The following CSMD1 variants were observed in gnomAD, a reference collection of about 807,000 sequenced individuals.
The protein encoded by CSMD1 is CUB and Sushi multiple domains 1.
A neutral mutation model predicts 417.5 loss-of-function variants in CSMD1; 213 were observed. The observed-to-expected ratio is 0.51, with a 90% CI of 0.46 to 0.57. The LOEUF (loss-of-function observed/expected upper bound fraction) is 0.57, where lower values mean the gene tolerates loss of function less well. Ranked by LOEUF, CSMD1 falls within the 20% of genes least tolerant of loss-of-function variation. The pLI, the probability that CSMD1 is intolerant of heterozygous loss-of-function variation, is 0.00. For missense variants in CSMD1, 6,923 were observed against 4,529.7 expected (o/e 1.53, Z -15.17); for synonymous variants, 2,862 against 1,736.8 (o/e 1.65, Z -16.11).
intron 3 of CSMD1, among the ~76,000 whole-genome samples, chr8:4,315,769 A>C (rs1349481937): frequency 6.6e-6 from 1 of 151,608 alleles, no homozygotes; most frequent in Non-Finnish European, 1.5e-5. Context: ...TGGTCATTTC[A>C]TTTCAAAACA....
Position 3,914,798 on chromosome 8 carries a change from T to C in CSMD1, c.818+83105A>G, listed in dbSNP as rs191519897. 2.2e-3 allele frequency among the ~76,000 whole-genome samples: 341 copies of C among 152,226 alleles called. 1 individual carries two copies. The highest frequency in any genetic ancestry group is 7.8e-3 in the African/African-American group (324 of 41,528). On this transcript the variant is annotated intron_variant, in intron 5 of 69. Transcript: ENST00000635120. ...TTACCGGTTAATTCCTCAACAAAGATTTATTGACATCTACTCTACTGAGTG... is the reference window on the plus strand; with the variant it reads ...TTACCGGTTAATTCCTCAACAAAGACTTATTGACATCTACTCTACTGAGTG...
chr8:4,082,368 T>G (rs994660679), intron 3 of CSMD1, among the ~76,000 whole-genome samples: 1 of 152,186 alleles, frequency 6.6e-6, no homozygotes, highest in Admixed American at 6.6e-5. Context: ...ATGGTTTCAC[T>G]GGTGAGTTCT....
At chr8:4,780,361 G>C (rs1206893841) in intron 1 of CSMD1, among the ~76,000 whole-genome samples, 6 of 152,178 alleles carry the variant, frequency 3.9e-5, no homozygotes, top group Non-Finnish European at 8.8e-5. Context: ...CATTAAGCAG[G>C]TGTGATTTAA....
At chr8:3,652,408 T>C (rs1797902631) in intron 7 of CSMD1, among the ~76,000 whole-genome samples, 1 of 152,208 alleles carries the variant, frequency 6.6e-6, no homozygotes, top group Non-Finnish European at 1.5e-5. Flanking sequence ...GTTGACTTGT[T>C]TGTTTCTGTC....
intron 3 of CSMD1, among the ~76,000 whole-genome samples, chr8:4,399,700 G>GA (rs763431371): frequency 6.6e-6 from 1 of 151,852 alleles, no homozygotes. Context: ...AACTCCTTTT[G>GA]AAAAAAGCAG....
rs140560813 is a variant in CSMD1, at chr8:3,461,573, G to C, written c.1561+7139C>G. Among the ~76,000 whole-genome samples the C allele has an allele frequency of 4.5e-4, 68 of 152,282 alleles. No individual in the cohort carries two copies. In the East Asian group the frequency reaches 0.013, roughly 29 times the overall value. Reference sequence around the variant, plus strand: ...TGTAGAGAACCTGCTTCTCAGAGGGGAGCTGTCTCCATCAGCAGGAAGAGG... The same window carrying C: ...TGTAGAGAACCTGCTTCTCAGAGGGCAGCTGTCTCCATCAGCAGGAAGAGG... On this transcript the variant is annotated intron_variant, in intron 12 of 69. Coordinates refer to ENST00000635120, the MANE Select transcript of CSMD1 (RefSeq NM_033225.6).
rs1312410829 is a variant in CSMD1 at position 4,577,174 on chromosome 8, A to C, written c.302+60168T>G. ...TTTTTTTTGCACTGATTTTTAATAC[A>C]TTTATTGAAGCGAGATTTTCTTTTG... On this transcript the variant is annotated intron_variant, in intron 2 of 69. Coordinates refer to ENST00000635120, the MANE Select transcript of CSMD1 (RefSeq NM_033225.6). 2.0e-5 allele frequency among the ~76,000 whole-genome samples: 3 copies of C among 152,132 alleles called. No homozygotes were observed. The East Asian group carries it at 5.8e-4, about 29-fold the overall frequency.
intron 36 of CSMD1, among the ~76,000 whole-genome samples, chr8:3,182,129 T>C (rs1821372064): frequency 6.6e-6 from 1 of 152,198 alleles, no homozygotes; most frequent in Non-Finnish European, 1.5e-5. Context: ...GGAGAAATGA[T>C]AATTTAAATA....
intron 1 of CSMD1, among the ~76,000 whole-genome samples, chr8:4,791,359 T>C (rs1050308522): frequency 7.9e-5 from 12 of 152,194 alleles, no homozygotes; most frequent in Non-Finnish European, 4.4e-5. Context: ...TCTTTGACAA[T>C]GTTTTCCAAT....
intron 1 of CSMD1, among the ~76,000 whole-genome samples, chr8:4,933,458 GC>G (rs1161779951): frequency 3.9e-5 from 6 of 152,158 alleles, no homozygotes. Flanking sequence ...TAATTTCAAA[GC>G]CAACAAGGAG....
At chr8:3,809,461 G>A (rs937584636) in intron 5 of CSMD1, among the ~76,000 whole-genome samples, 1 of 152,166 alleles carries the variant, frequency 6.6e-6, no homozygotes, top group East Asian at 1.9e-4. Flanking sequence ...CTGGTTCCTG[G>A]GGATAGTTCA....
intron 4 of CSMD1, among the ~76,000 whole-genome samples, chr8:4,018,902 G>C (rs563090858): frequency 2.0e-5 from 3 of 152,222 alleles, no homozygotes; most frequent in East Asian, 1.9e-4. Context: ...ATAACTTCTA[G>C]ACTTGTCATG....
intron 3 of CSMD1, among the ~76,000 whole-genome samples, chr8:4,240,650 T>C (rs1394227176): frequency 1.3e-5 from 2 of 152,166 alleles, no homozygotes; most frequent in Admixed American, 6.6e-5. Context: ...TTTCAACAAG[T>C]ACTCCCCTTA....
At position 4,295,871 on chromosome 8, in the gene CSMD1, G is replaced by C. The variant is rs112082437; in HGVS notation, c.415+124082C>G. Among the ~76,000 whole-genome samples the C allele has an allele frequency of 1.7e-3, 247 of 147,876 alleles. 2 individuals are homozygous for C. The highest frequency in any genetic ancestry group is 5.9e-3 in the African/African-American group (235 of 40,166). The stretch of plus-strand genomic sequence containing the variant: ...TTTCTTCAACCATTATCCCAAACAA[G>C]TACAATGCTCTTGTCTTTTCTCCAT... On this transcript the variant is annotated intron_variant, in intron 3 of 69. Coordinates refer to ENST00000635120, the MANE Select transcript of CSMD1 (RefSeq NM_033225.6).
chr8:4,118,753 A>G (rs116949028), intron 3 of CSMD1, among the ~76,000 whole-genome samples: 11,587 of 152,300 alleles, frequency 0.076, 501 homozygotes, highest in African/African-American at 0.1. Flanking sequence ...TATATGCCCA[A>G]AGGAATATGA....
In CSMD1 at chr8:4,787,345, A is replaced by T. The variant is rs150162238; in HGVS notation, c.86-149787T>A. On this transcript the variant is annotated intron_variant, in intron 1 of 69. Transcript: ENST00000635120. ...CCACTCAGGATAATGGCGACAGCTG[A>T]GGTACTGAACACTGGTAAAAAATTG... 62 of 734,952 alleles carry T rather than the reference A, an allele frequency of 8.4e-5. No individual in the cohort carries two copies. In the East Asian group the frequency reaches 1.5e-3, roughly 17 times the overall value. 45.5% of individuals were successfully genotyped at this position (734,952 alleles called of 1,614,324 possible). A position where few individuals can be genotyped will look rare whatever the true frequency, so the allele number is the denominator to read the frequency against.
At chr8:4,615,973 T>C (rs930969695) in intron 2 of CSMD1, among the ~76,000 whole-genome samples, 17 of 152,180 alleles carry the variant, frequency 1.1e-4, no homozygotes, top group Non-Finnish European at 1.5e-4. Flanking sequence ...TTTCAAATTC[T>C]TCTGTAAAAA....
intron 1 of CSMD1, among the ~76,000 whole-genome samples, chr8:4,840,729 G>A (rs1274189620): frequency 6.6e-6 from 1 of 152,126 alleles, no homozygotes; most frequent in Non-Finnish European, 1.5e-5. Context: ...AAGACCACTG[G>A]CTTTTCAGTT....
At chr8:3,388,817 G>C (rs142713231) in intron 17 of CSMD1, among the ~76,000 whole-genome samples, 505 of 152,004 alleles carry the variant, frequency 3.3e-3, no homozygotes, top group Non-Finnish European at 5.9e-3. Flanking sequence ...GAGGCAACGT[G>C]GATATCATTT....
Sources: allele counts gnomAD v4.1 joint callset (sites outside exome capture counted in the v4.1 genomes callset), GRCh38; gene constraint gnomAD v4.1.1; transcripts MANE v1.5; gene names NCBI Gene and HGNC (gene_info 2026-07-23, HGNC 2026-07-21).